Variants in LARP1 observed in about 807,000 individuals in gnomAD.
LARP1 encodes the protein la-related protein 1.
LARP1 carries 36 observed loss-of-function variants against 122.7 expected under a neutral mutation model. The ratio of observed to expected loss-of-function variants is 0.29; its 90% confidence interval spans 0.22 to 0.39. The LOEUF is 0.39. Among genes scored for constraint, LARP1 ranks in the 10% least tolerant of loss-of-function variants. The pLI is 1.00. For synonymous variants in LARP1, 539 were observed against 528.7 expected (o/e 1.02, Z -0.27); for missense variants, 1,040 against 1,403.6 (o/e 0.74, Z 4.14).
chr5:154,755,551 C>T lies in LARP1; in HGVS notation c.-207C>T, dbSNP rs1753787890. ...ACTGCAGAGTGGGGGGCCTTCCTCC[C>T]CCCCCGCCCCGCTAGTGGGCCTCGG... On this transcript the variant is annotated 5_prime_UTR_variant, in exon 1 of 19. Transcript: ENST00000518297. 8.1e-6 allele frequency: 8 copies of T among 987,372 alleles called. No homozygotes were observed. The highest frequency in any genetic ancestry group is 1.7e-5 in the African/African-American group (1 of 57,372). The allele number at this position is 987,372 out of a possible 1,614,324, so 61.2% of individuals were successfully genotyped here.
At position 154,755,540 on chromosome 5, in the gene LARP1, G is replaced by C; in HGVS notation, c.-218G>C. 1 of 987,084 alleles carries C rather than the reference G, an allele frequency of 1.0e-6. No individual in the cohort carries two copies. The highest frequency in any genetic ancestry group is 1.1e-4 in the East Asian group (1 of 8,726). The allele number at this position is 987,084 out of a possible 1,614,324, so 61.1% of individuals were successfully genotyped here. On this transcript the variant is annotated 5_prime_UTR_variant, in exon 1 of 19. Coordinates refer to ENST00000518297, the MANE Select transcript of LARP1 (RefSeq NM_033551.3). ...AGGAGGCCTGGACTGCAGAGTGGGG[G>C]GCCTTCCTCCCCCCCCGCCCCGCTA...
At chr5:154,698,368 G>T (rs1431725850) in intron 1 of LARP1, among the ~76,000 whole-genome samples, 1 of 152,114 alleles carries the variant, frequency 6.6e-6, no homozygotes, top group Non-Finnish European at 1.5e-5. Context: ...AGGCCGAGGA[G>T]GGTGGATCAC....
chr5:154,790,246 C>T (rs1038216338), intron 1 of LARP1, 79 bp from the exon 2 acceptor site: 30 of 1,206,368 alleles, frequency 2.5e-5, no homozygotes, highest in African/African-American at 2.0e-4. Flanking sequence ...GGAGTGGGGA[C>T]GGTGATGAGG....
intron 1 of LARP1, among the ~76,000 whole-genome samples, chr5:154,760,067 G>T (rs746511460): frequency 6.6e-6 from 1 of 152,138 alleles, no homozygotes; most frequent in Admixed American, 6.6e-5. Flanking sequence ...AGCCTTGAGA[G>T]TAGCTGGGAT....
intron 14 of LARP1, 135 bp downstream of exon 14, chr5:154,804,442 G>T: frequency 1.4e-6 from 1 of 690,562 alleles, no homozygotes. Flanking sequence ...AAAAACCAGT[G>T]GTGTGGAAAG....
intron 1 of LARP1, among the ~76,000 whole-genome samples, chr5:154,700,896 G>A (rs1468766127): frequency 6.6e-6 from 1 of 152,132 alleles, no homozygotes; most frequent in Non-Finnish European, 1.5e-5. Flanking sequence ...GGCAGAAACT[G>A]CAGTGGGAGC....
chr5:154,729,556 TC>T, intron 1 of LARP1: 2 of 441,726 alleles, frequency 4.5e-6, no homozygotes, highest in Admixed American at 2.5e-5. Context: ...AGGAAAATGA[TC>T]AGAAAAAGAA....
At chr5:154,728,927 A>G (rs1306808171) in intron 1 of LARP1, among the ~76,000 whole-genome samples, 1 of 152,150 alleles carries the variant, frequency 6.6e-6, no homozygotes, top group East Asian at 1.9e-4. Flanking sequence ...TCATCCTATG[A>G]AACTTACTGG....
In LARP1 at chr5:154,804,194, T is replaced by C. The variant is rs1367749960; in HGVS notation, c.2440-7T>C. 6.2e-7 allele frequency: 1 copy of C among 1,612,456 alleles called. No individual in the cohort carries two copies. Among genetic ancestry groups the C allele is most frequent in the Middle Eastern group, 1.7e-4 (1 of 6,054 alleles). On this transcript the variant is annotated splice_polypyrimidine_tract_variant and splice_region_variant and intron_variant, in intron 13 of 18. Transcript: ENST00000518297. ...AACAGTAACAAACCCTGGGCTAACC[T>C]TTGCAGATGCCTCGAAAAAGAAAGA...
chr5:154,767,286 A>G (rs1442415541), intron 1 of LARP1, among the ~76,000 whole-genome samples: 1 of 152,220 alleles, frequency 6.6e-6, no homozygotes. Flanking sequence ...CCTGGCACAT[A>G]GTAATACGTG....
At chr5:154,764,776 A>C (rs950180412) in intron 1 of LARP1, among the ~76,000 whole-genome samples, 1 of 151,112 alleles carries the variant, frequency 6.6e-6, no homozygotes, top group African/African-American at 2.4e-5. Context: ...GTCATCGTGC[A>C]CACCTGTAAT....
intron 1 of LARP1, among the ~76,000 whole-genome samples, chr5:154,725,258 C>T (rs563871019): frequency 3.2e-4 from 49 of 151,910 alleles, no homozygotes; most frequent in South Asian, 1.7e-3. Context: ...GGTGTGGTGG[C>T]GGGCGCCTGT....
intron 1 of LARP1, among the ~76,000 whole-genome samples, chr5:154,734,360 C>T (rs1044586123): frequency 6.6e-6 from 1 of 152,018 alleles, no homozygotes; most frequent in African/African-American, 2.4e-5. Flanking sequence ...TTGTGGACAT[C>T]AAGACAGAGG....
chr5:154,805,739 A>G, intron 14 of LARP1, 142 bp from the exon 15 acceptor site: 1 of 800,782 alleles, frequency 1.2e-6, no homozygotes, highest in South Asian at 1.7e-5. Flanking sequence ...GATATAAGTT[A>G]AAGGTCCGTA....
chr5:154,790,762 AT>A (rs751680710), intron 3 of LARP1, 52 bp downstream of exon 3: 1 of 1,472,596 alleles, frequency 6.8e-7, no homozygotes, highest in Admixed American at 1.7e-5. Flanking sequence ...ACATACACAC[AT>A]TTAGCTCCTC....
intron 1 of LARP1, among the ~76,000 whole-genome samples, chr5:154,761,212 G>A (rs917557130): frequency 1.3e-5 from 2 of 152,194 alleles, no homozygotes; most frequent in African/African-American, 4.8e-5. Context: ...CTTTCCTTTT[G>A]CACAGGTAGT....
At chr5:154,737,331 G>A (rs1482946387) in intron 1 of LARP1, among the ~76,000 whole-genome samples, 1 of 151,834 alleles carries the variant, frequency 6.6e-6, no homozygotes, top group East Asian at 1.9e-4. Flanking sequence ...GTGAGCCACC[G>A]TGCCTGGCCA....
Position 154,775,332 on chromosome 5 carries a change from C to G in LARP1, c.437-14993C>G, listed in dbSNP as rs536359522. On this transcript the variant is annotated intron_variant, in intron 1 of 18. Transcript: ENST00000518297. ...CGTAAGTGAATAAAAACAAGAACTTCAAATACAAAAATTAGTTGGGTGTGG... is the reference window on the plus strand; with the variant it reads ...CGTAAGTGAATAAAAACAAGAACTTGAAATACAAAAATTAGTTGGGTGTGG... Among the ~76,000 whole-genome samples the G allele has an allele frequency of 5.3e-5, 8 of 152,090 alleles. No individual in the cohort carries two copies. In the East Asian group the frequency reaches 1.2e-3, roughly 22 times the overall value.
At chr5:154,691,523 C>T (rs1754207171) in intron 1 of LARP1, among the ~76,000 whole-genome samples, 1 of 152,242 alleles carries the variant, frequency 6.6e-6, no homozygotes, top group Non-Finnish European at 1.5e-5. Flanking sequence ...TGGCGGCCCA[C>T]TCTGCTCCTG....
Sources: allele counts gnomAD v4.1 joint callset (sites outside exome capture counted in the v4.1 genomes callset), GRCh38; gene constraint gnomAD v4.1.1; transcripts MANE v1.5; gene names NCBI Gene and HGNC (gene_info 2026-07-23, HGNC 2026-07-21).